PHF24: variants seen among roughly 807,000 people sequenced by gnomAD.
PHF24 encodes PHD finger protein 24.
PHF24 carries 25 observed loss-of-function variants against 42.6 expected under a neutral mutation model. That is an observed-to-expected ratio of 0.59 (90% CI 0.43 to 0.82). The LOEUF (loss-of-function observed/expected upper bound fraction) is 0.82, where lower values mean the gene tolerates loss of function less well. Among genes scored for constraint, PHF24 ranks in the 40% least tolerant of loss-of-function variants. The probability of loss-of-function intolerance (pLI) is 0.00; values close to 1 mark genes in which losing one functional copy is unlikely to be tolerated. For missense variants in PHF24, 470 were observed against 538.1 expected (o/e 0.87, Z 1.25); for synonymous variants, 185 against 204.8 (o/e 0.90, Z 0.83).
the PHF24 span, among the ~76,000 whole-genome samples, chr9:34,717,884 C>T: frequency 9.2e-5 from 14 of 152,280 alleles, 1 homozygote; most frequent in South Asian, 2.9e-3. Context: ...AGTTTGTCTT[C>T]CTTGACGTGT....
the PHF24 span, among the ~76,000 whole-genome samples, chr9:34,899,184 G>C: frequency 7.2e-5 from 11 of 152,312 alleles, no homozygotes; most frequent in South Asian, 2.3e-3. Context: ...TCGTGGTTGA[G>C]AGCGAACAGC....
At chr9:34,869,513 G>A in the PHF24 span, among the ~76,000 whole-genome samples, 1 of 152,090 alleles carries the variant, frequency 6.6e-6, no homozygotes, top group Admixed American at 6.6e-5. Flanking sequence ...GAGTGATGTT[G>A]AGCTTTTTTT....
chr9:34,807,782 G>A, the PHF24 span, among the ~76,000 whole-genome samples: 1 of 152,144 alleles, frequency 6.6e-6, no homozygotes, highest in Non-Finnish European at 1.5e-5. Flanking sequence ...TGTGGGAGAT[G>A]TGAAATTAAC....
the PHF24 span, chr9:34,725,139 C>T: frequency 8.3e-5 from 129 of 1,545,908 alleles, no homozygotes; most frequent in Non-Finnish European, 1.0e-4. Context: ...ATTCTGCAGT[C>T]CCAGGACCTG....
At chr9:34,936,959 C>A in the PHF24 span, among the ~76,000 whole-genome samples, 1 of 150,558 alleles carries the variant, frequency 6.6e-6, no homozygotes, top group Non-Finnish European at 1.5e-5. Context: ...CCGGCAGCCA[C>A]CCCGTCCGGG....
At chr9:34,907,757 T>TC in the PHF24 span, among the ~76,000 whole-genome samples, 1 of 152,190 alleles carries the variant, frequency 6.6e-6, no homozygotes, top group African/African-American at 2.4e-5. Context: ...TAGTTTTTTT[T>TC]CCCCTTTTTC....
At chr9:34,691,252 G>T in the PHF24 span, 7 of 831,558 alleles carry the variant, frequency 8.4e-6, no homozygotes, top group East Asian at 5.5e-5. Flanking sequence ...GAAATGCAAG[G>T]TGTGAGTGAT....
the PHF24 span, among the ~76,000 whole-genome samples, chr9:34,905,679 G>T: frequency 2.1e-4 from 32 of 152,296 alleles, no homozygotes; most frequent in African/African-American, 6.5e-4. Context: ...AATATGTGGA[G>T]TTGGAAGAGG....
At chr9:34,765,399 A>G in the PHF24 span, among the ~76,000 whole-genome samples, 1 of 150,308 alleles carries the variant, frequency 6.7e-6, no homozygotes, top group Admixed American at 6.7e-5. Flanking sequence ...TTGGGTGCCT[A>G]TATATTTAGG....
At chr9:34,876,262 A>G in the PHF24 span, among the ~76,000 whole-genome samples, 1 of 152,222 alleles carries the variant, frequency 6.6e-6, no homozygotes, top group Non-Finnish European at 1.5e-5. Context: ...GATGTCCTTC[A>G]GTAGATGAAC....
At chr9:34,976,126 C>T (rs747631844) in intron 3 of PHF24, 26 bp from the exon 4 acceptor site, 3 of 1,586,682 alleles carry the variant, frequency 1.9e-6, no homozygotes, top group Non-Finnish European at 2.6e-6. Context: ...TGTATGGCCA[C>T]CGACTCAGCT....
chr9:34,821,023 G>A, the PHF24 span, among the ~76,000 whole-genome samples: 2 of 152,098 alleles, frequency 1.3e-5, no homozygotes, highest in South Asian at 2.1e-4. Context: ...TTGGACACTC[G>A]TATGTCTTCT....
At chr9:34,892,866 A>G in the PHF24 span, 2 of 699,702 alleles carry the variant, frequency 2.9e-6, no homozygotes, top group Non-Finnish European at 5.2e-6. Flanking sequence ...TGGGTTAAAG[A>G]TTTCTGATCC....
At chr9:34,883,692 G>A in the PHF24 span, among the ~76,000 whole-genome samples, 10 of 152,162 alleles carry the variant, frequency 6.6e-5, no homozygotes, top group Admixed American at 1.3e-4. Flanking sequence ...TTACAATGGT[G>A]ATCATTAAAA....
At chr9:34,818,118 T>C in the PHF24 span, among the ~76,000 whole-genome samples, 1 of 152,266 alleles carries the variant, frequency 6.6e-6, no homozygotes, top group Non-Finnish European at 1.5e-5. Context: ...GAGACAATAA[T>C]GTTGCTTGTG....
chr9:34,685,814 G>A, the PHF24 span, among the ~76,000 whole-genome samples: 447 of 152,262 alleles, frequency 2.9e-3, 2 homozygotes, highest in Middle Eastern at 6.8e-3. Context: ...TATTTCCATG[G>A]GCTGCTTCTC....
chr9:34,681,533 G>A, the PHF24 span, among the ~76,000 whole-genome samples: 7 of 152,426 alleles, frequency 4.6e-5, no homozygotes, highest in South Asian at 6.2e-4. Flanking sequence ...AAATGAGGCC[G>A]GGTGTGGTGG....
the PHF24 span, among the ~76,000 whole-genome samples, chr9:34,863,298 A>G: frequency 6.6e-6 from 1 of 152,042 alleles, no homozygotes; most frequent in Non-Finnish European, 1.5e-5. Flanking sequence ...CATTCAGGTA[A>G]TGGTTAGAGT....
chr9:34,877,168 C>A, the PHF24 span, among the ~76,000 whole-genome samples: 8 of 151,778 alleles, frequency 5.3e-5, no homozygotes, highest in South Asian at 1.7e-3. Context: ...ATAATCCCAG[C>A]TACTCGGGAG....
Sources: gnomAD v4.1 joint callset for allele counts (sites outside exome capture counted in the v4.1 genomes callset) on GRCh38, gnomAD v4.1.1 for gene constraint, MANE v1.5 for transcripts, NCBI Gene and HGNC (gene_info 2026-07-23, HGNC 2026-07-21) for gene names.